Variants in SPOCK1 observed in about 807,000 individuals in gnomAD.
The protein encoded by SPOCK1 is SPARC (osteonectin), cwcv and kazal like domains proteoglycan 1.
In SPOCK1, 23 loss-of-function variants were observed where a neutral mutation model predicts 55.3. The observed-to-expected ratio is 0.42, with a 90% CI of 0.30 to 0.59. The LOEUF (loss-of-function observed/expected upper bound fraction) is 0.59, where lower values mean the gene tolerates loss of function less well. Ranked by LOEUF, SPOCK1 falls within the 20% of genes least tolerant of loss-of-function variation. The probability of loss-of-function intolerance (pLI) is 0.22; values close to 1 mark genes in which losing one functional copy is unlikely to be tolerated. For synonymous variants in SPOCK1, 226 were observed against 221.0 expected (o/e 1.02, Z -0.20); for missense variants, 499 against 552.5 (o/e 0.90, Z 0.97).
chr5:137,089,330 G>A (rs1431582644), intron 5 of SPOCK1, among the ~76,000 whole-genome samples: 3 of 152,220 alleles, frequency 2.0e-5, no homozygotes, highest in Non-Finnish European at 4.4e-5. Context: ...TTCTAGGGAA[G>A]GTGCTCCCAG....
At chr5:137,433,875 G>C (rs1032106177) in intron 2 of SPOCK1, among the ~76,000 whole-genome samples, 2 of 152,084 alleles carry the variant, frequency 1.3e-5, no homozygotes, top group East Asian at 3.9e-4. Flanking sequence ...GGAAAAAAAT[G>C]GACAAGGAGA....
chr5:137,239,706 G>T (rs922187315), intron 3 of SPOCK1, among the ~76,000 whole-genome samples: 2 of 152,140 alleles, frequency 1.3e-5, no homozygotes, highest in Admixed American at 6.5e-5. Context: ...TATTAAAAGT[G>T]TTATGTCTAT....
intron 2 of SPOCK1, among the ~76,000 whole-genome samples, chr5:137,475,290 C>G (rs1380250184): frequency 6.6e-6 from 1 of 152,018 alleles, no homozygotes; most frequent in Non-Finnish European, 1.5e-5. Flanking sequence ...CCAGAAGGAC[C>G]CCCCTCGCCC....
chr5:137,083,479 C>T (rs189462275), intron 5 of SPOCK1, among the ~76,000 whole-genome samples: 2 of 152,250 alleles, frequency 1.3e-5, no homozygotes, highest in South Asian at 2.1e-4. Context: ...CAATGGGCAG[C>T]GGCACTCCAT....
chr5:136,998,527 A>T (rs1429183619), intron 6 of SPOCK1, among the ~76,000 whole-genome samples: 1 of 152,216 alleles, frequency 6.6e-6, no homozygotes, highest in Admixed American at 6.5e-5. Flanking sequence ...TACTTCCTGG[A>T]TATATTGGTC....
intron 4 of SPOCK1, among the ~76,000 whole-genome samples, chr5:137,130,679 C>T (rs1180714910): frequency 1.3e-5 from 2 of 152,230 alleles, no homozygotes; most frequent in Admixed American, 6.5e-5. Flanking sequence ...GGGTCTCCTC[C>T]TTTCCTTCAG....
intron 6 of SPOCK1, among the ~76,000 whole-genome samples, chr5:137,056,757 A>T (rs2127000589): frequency 6.6e-6 from 1 of 152,148 alleles, no homozygotes; most frequent in Admixed American, 6.5e-5. Flanking sequence ...CATTTAGCAG[A>T]CTCAAGCTTG....
At chr5:137,151,542 C>A (rs900644074) in intron 3 of SPOCK1, among the ~76,000 whole-genome samples, 1 of 152,174 alleles carries the variant, frequency 6.6e-6, no homozygotes, top group Non-Finnish European at 1.5e-5. Context: ...GGTACTGTTA[C>A]ATAAGATGGA....
intron 3 of SPOCK1, among the ~76,000 whole-genome samples, chr5:137,160,604 TATA>T (rs1754525293): frequency 1.3e-5 from 1 of 79,138 alleles, no homozygotes; most frequent in African/African-American, 4.9e-5. Context: ...ATATATTATA[TATA>T]ATATATAATA....
intron 6 of SPOCK1, among the ~76,000 whole-genome samples, chr5:137,036,969 G>A (rs370096259): frequency 6.7e-6 from 1 of 148,602 alleles, no homozygotes; most frequent in East Asian, 1.9e-4. Flanking sequence ...GCAGCCCTGG[G>A]AGAGAGAGAG....
intron 2 of SPOCK1, among the ~76,000 whole-genome samples, chr5:137,376,984 T>A (rs1337505292): frequency 6.6e-6 from 1 of 152,204 alleles, no homozygotes; most frequent in Non-Finnish European, 1.5e-5. Context: ...TCCTAACTCA[T>A]GAAGGAAAGA....
chr5:137,281,827 C>A (rs571550134), intron 2 of SPOCK1, among the ~76,000 whole-genome samples: 1 of 152,210 alleles, frequency 6.6e-6, no homozygotes, highest in African/African-American at 2.4e-5. Flanking sequence ...CCCATCACAG[C>A]CTCGGATGTC....
At chr5:137,340,633 C>T (rs1485641356) in intron 2 of SPOCK1, among the ~76,000 whole-genome samples, 1 of 152,162 alleles carries the variant, frequency 6.6e-6, no homozygotes, top group Admixed American at 6.5e-5. Context: ...GTAATCCCAG[C>T]ACTTTGGGAG....
intron 2 of SPOCK1, among the ~76,000 whole-genome samples, chr5:137,384,005 G>A (rs1751538921): frequency 6.6e-6 from 1 of 152,172 alleles, no homozygotes; most frequent in Non-Finnish European, 1.5e-5. Context: ...TTCCTGCTAT[G>A]TCCACAGCCT....
At chr5:137,177,451 G>T (rs1256113581) in intron 3 of SPOCK1, among the ~76,000 whole-genome samples, 3 of 151,982 alleles carry the variant, frequency 2.0e-5, no homozygotes, top group Non-Finnish European at 2.9e-5. Context: ...TCCAGCTTGG[G>T]GACAGAGAAA....
intron 5 of SPOCK1, among the ~76,000 whole-genome samples, chr5:137,079,860 A>G (rs372026240): frequency 3.4e-4 from 52 of 151,826 alleles, no homozygotes; most frequent in African/African-American, 1.1e-3. Context: ...GACCCCCCTT[A>G]GCTCCAGTGA....
chr5:137,486,780 G>T (rs761908862), intron 2 of SPOCK1, among the ~76,000 whole-genome samples: 1 of 152,186 alleles, frequency 6.6e-6, no homozygotes, highest in Non-Finnish European at 1.5e-5. Flanking sequence ...TCTAACAACA[G>T]TAAACACAGT....
rs1750615828 is a variant in SPOCK1, at chr5:136,976,373, A to AAGTT, written c.*2277_*2280dup. ...CTATTGAGCACTCTTCTCCATCATT[A>AAGTT]AGTTAATGCTAAGGATCTTTAAGTG... On this transcript the variant is annotated 3_prime_UTR_variant, in exon 11 of 11. Coordinates refer to ENST00000394945, the MANE Select transcript of SPOCK1 (RefSeq NM_004598.4). The AAGTT allele has an allele frequency of 6.6e-6, 1 of 152,642 alleles. No individual in the cohort carries two copies. The allele number at this position is 152,642 out of a possible 1,614,324, so 9.5% of individuals were successfully genotyped here.
chr5:137,277,999 C>T (rs767651024), intron 2 of SPOCK1, among the ~76,000 whole-genome samples: 1 of 152,192 alleles, frequency 6.6e-6, no homozygotes, highest in Non-Finnish European at 1.5e-5. Context: ...ATCCAAGCAC[C>T]ATGCTGAGGA....
Sources: allele counts gnomAD v4.1 joint callset (sites outside exome capture counted in the v4.1 genomes callset), GRCh38; gene constraint gnomAD v4.1.1; transcripts MANE v1.5; gene names NCBI Gene and HGNC (gene_info 2026-07-23, HGNC 2026-07-21).